The following DNAH14 variants were observed in gnomAD, a reference collection of about 807,000 sequenced individuals.
DNAH14 encodes the protein axonemal beta dynein heavy chain 14.
In DNAH14, 478 loss-of-function variants were observed where a neutral mutation model predicts 520.9. The observed-to-expected ratio is 0.92, with a 90% CI of 0.85 to 0.99. The LOEUF is 0.99. Ranked by LOEUF, DNAH14 falls within the 50% of genes least tolerant of loss-of-function variation. The pLI is 0.00. For synonymous variants in DNAH14, 1,581 were observed against 1,757.2 expected (o/e 0.90, Z 2.51); for missense variants, 4,831 against 5,234.5 (o/e 0.92, Z 2.38).
At chr1:224,937,584 T>C (rs540488316) in intron 1 of DNAH14, among the ~76,000 whole-genome samples, 57 of 152,206 alleles carry the variant, frequency 3.7e-4, no homozygotes, top group African/African-American at 1.3e-3. Flanking sequence ...TCCATGCTCA[T>C]GGATCAGAAG....
chr1:225,053,277 G>A (rs1322295541), intron 17 of DNAH14, among the ~76,000 whole-genome samples: 2 of 151,998 alleles, frequency 1.3e-5, no homozygotes, highest in Non-Finnish European at 2.9e-5. Context: ...GCAAGGGAAA[G>A]GTCAAAAGAG....
intron 77 of DNAH14, among the ~76,000 whole-genome samples, 200 bp from the exon 78 acceptor site, chr1:225,374,488 T>TAAAGGTTGCCATTAAGGTGTTG (rs2095670627): frequency 6.6e-6 from 1 of 151,686 alleles, no homozygotes; most frequent in Non-Finnish European, 1.5e-5. Flanking sequence ...CTCGAACTCC[T>TAAAGGTTGCCATTAAGGTGTTG]GACCTCAAAT....
chr1:225,122,324 G>T (rs2077364091), intron 26 of DNAH14, among the ~76,000 whole-genome samples: 1 of 152,060 alleles, frequency 6.6e-6, no homozygotes, highest in African/African-American at 2.4e-5. Context: ...TATATGCCGT[G>T]GTTGCAACTG....
At chr1:225,058,781 G>A (rs540669032) in intron 17 of DNAH14, among the ~76,000 whole-genome samples, 7 of 152,154 alleles carry the variant, frequency 4.6e-5, no homozygotes, top group Middle Eastern at 3.4e-3. Context: ...CCTTCATTTC[G>A]TTATGTACCC....
intron 41 of DNAH14, among the ~76,000 whole-genome samples, chr1:225,222,434 C>T (rs923500610): frequency 6.6e-6 from 1 of 152,078 alleles, no homozygotes; most frequent in African/African-American, 2.4e-5. Context: ...AAAGGTGGCA[C>T]GGACCCAAAG....
chr1:225,333,963 A>G (rs1384933266), intron 66 of DNAH14, among the ~76,000 whole-genome samples: 2 of 152,214 alleles, frequency 1.3e-5, no homozygotes, highest in Non-Finnish European at 2.9e-5. Flanking sequence ...GCTTTTGTTA[A>G]TCCTCCGAGA....
At chr1:225,161,576 C>A (rs111900033) in intron 35 of DNAH14, among the ~76,000 whole-genome samples, 2 of 152,148 alleles carry the variant, frequency 1.3e-5, no homozygotes, top group East Asian at 1.9e-4. Flanking sequence ...GTTTTTTGAC[C>A]AACCTCCAAA....
chr1:225,211,235 T>C lies in DNAH14; in HGVS notation c.6439+4015T>C, dbSNP rs576009492. 2.6e-5 allele frequency among the ~76,000 whole-genome samples: 4 copies of C among 152,276 alleles called. No individual in the cohort carries two copies. The South Asian group carries it at 8.3e-4, about 32-fold the overall frequency. ...GCTACAGGAGCATGTTCCAACCCAA[T>C]GCCAGTAAGCTAAGAACCTTGAAAA... On this transcript the variant is annotated intron_variant, in intron 41 of 85. Transcript: ENST00000682510.
intron 56 of DNAH14, among the ~76,000 whole-genome samples, chr1:225,302,156 C>T (rs2094151318): frequency 1.4e-5 from 2 of 148,084 alleles, no homozygotes; most frequent in South Asian, 4.2e-4. Context: ...ATATATAATG[C>T]TATGCTTCTA....
intron 54 of DNAH14, among the ~76,000 whole-genome samples, chr1:225,280,098 C>A (rs1468367710): frequency 1.3e-5 from 2 of 150,962 alleles, no homozygotes; most frequent in Non-Finnish European, 1.5e-5. Flanking sequence ...AAAAGAGAAT[C>A]CACAAACTTA....
intron 25 of DNAH14, among the ~76,000 whole-genome samples, chr1:225,118,504 T>C (rs557957303): frequency 1.6e-4 from 24 of 152,264 alleles, no homozygotes; most frequent in Admixed American, 4.6e-4. Context: ...CAAGTGGTCC[T>C]GATGTAAGTT....
At chr1:225,210,319 G>C (rs573016994) in intron 41 of DNAH14, among the ~76,000 whole-genome samples, 1 of 152,140 alleles carries the variant, frequency 6.6e-6, no homozygotes, top group Non-Finnish European at 1.5e-5. Flanking sequence ...CTCGAGCTTG[G>C]TATGGGGAAG....
intron 17 of DNAH14, among the ~76,000 whole-genome samples, chr1:225,067,260 C>T (rs1234616925): frequency 1.3e-5 from 2 of 152,068 alleles, no homozygotes; most frequent in African/African-American, 2.4e-5. Context: ...GGACAATGGC[C>T]TCCAGCTTCA....
At chr1:225,104,953 C>T (rs574047110) in intron 23 of DNAH14, among the ~76,000 whole-genome samples, 1 of 152,144 alleles carries the variant, frequency 6.6e-6, no homozygotes, top group South Asian at 2.1e-4. Flanking sequence ...GCTCTTGCTT[C>T]TCTAGTTCTT....
At chr1:225,039,827 G>A (rs1346852442) in intron 12 of DNAH14, among the ~76,000 whole-genome samples, 1 of 110,702 alleles carries the variant, frequency 9.0e-6, no homozygotes, top group African/African-American at 3.4e-5. Context: ...GCAGTGAGCC[G>A]AGATCCCGCC....
At chr1:224,933,316 G>A (rs1360664125) in intron 1 of DNAH14, among the ~76,000 whole-genome samples, 1 of 152,022 alleles carries the variant, frequency 6.6e-6, no homozygotes, top group Non-Finnish European at 1.5e-5. Flanking sequence ...TAAAATCTAA[G>A]AATTGTTTGG....
intron 59 of DNAH14, 42 bp from the exon 60 acceptor site, chr1:225,308,243 T>C: frequency 6.6e-7 from 1 of 1,504,918 alleles, no homozygotes; most frequent in Non-Finnish European, 8.8e-7. Context: ...AGAGATCATG[T>C]CTCTTAAAAT....
chr1:225,073,107 T>G (rs1054856420), intron 17 of DNAH14, among the ~76,000 whole-genome samples: 4 of 152,136 alleles, frequency 2.6e-5, no homozygotes, highest in African/African-American at 9.7e-5. Context: ...AAAACCTCTG[T>G]CAGCCAGAGA....
In DNAH14 at chr1:225,301,081, G is replaced by A. The variant is rs375543091; in HGVS notation, c.8631+51G>A. 1,816 of 1,487,512 alleles carry A rather than the reference G, an allele frequency of 1.2e-3. 37 individuals carry two copies. In the South Asian group the frequency reaches 0.022, roughly 18 times the overall value. The allele number at this position is 1,487,512 out of a possible 1,614,324, so 92.1% of individuals were successfully genotyped here. A position where few individuals can be genotyped will look rare whatever the true frequency, so the allele number is the denominator to read the frequency against. ...CAAATTGTCATGTTAAAAGTAGACC[G>A]TGTTTATAATTCTGTACATGATTTT... On this transcript the variant is annotated intron_variant, in intron 56 of 85. Transcript: ENST00000682510.
Sources: allele counts gnomAD v4.1 joint callset (sites outside exome capture counted in the v4.1 genomes callset), GRCh38; gene constraint gnomAD v4.1.1; transcripts MANE v1.5; gene names NCBI Gene and HGNC (gene_info 2026-07-23, HGNC 2026-07-21).